The following RARB variants were observed in gnomAD, a reference collection of about 807,000 sequenced individuals.
RARB encodes HBV-activated protein.
A neutral mutation model predicts 51.9 loss-of-function variants in RARB; 17 were observed. That is an observed-to-expected ratio of 0.33 (90% CI 0.22 to 0.49). The LOEUF (loss-of-function observed/expected upper bound fraction) is 0.49, where lower values mean the gene tolerates loss of function less well. Among genes scored for constraint, RARB ranks in the 20% least tolerant of loss-of-function variants. The pLI is 0.99. For missense variants in RARB, 369 were observed against 550.8 expected, an observed-to-expected ratio of 0.67 and a Z score of 3.30; for synonymous variants, 215 against 195.4, an observed-to-expected ratio of 1.10 and a Z score of -0.84.
intron 5 of RARB, among the ~76,000 whole-genome samples, chr3:25,184,846 G>A (rs1700939928): frequency 6.6e-6 from 1 of 151,746 alleles, no homozygotes; most frequent in South Asian, 2.1e-4. Flanking sequence ...GAGCTGTGAT[G>A]ACATCTTGGC....
At chr3:24,832,628 AATATATATATAT>A (rs10526610) in intron 1 of RARB, among the ~76,000 whole-genome samples, 1 of 88,456 alleles carries the variant, frequency 1.1e-5, no homozygotes, top group African/African-American at 4.6e-5. Flanking sequence ...ATTGAGTCCC[AATATATATATAT>A]ATATATATAT....
chr3:24,867,181 T>A (rs1702866342), intron 2 of RARB, among the ~76,000 whole-genome samples: 1 of 152,160 alleles, frequency 6.6e-6, no homozygotes, highest in South Asian at 2.1e-4. Flanking sequence ...AATTTGTGTT[T>A]CTCTCATCCT....
chr3:24,901,710 C>T (rs912859752), intron 2 of RARB, among the ~76,000 whole-genome samples: 1 of 152,142 alleles, frequency 6.6e-6, no homozygotes, highest in Non-Finnish European at 1.5e-5. Context: ...TGTAAGTTAT[C>T]CTTCTTGTGA....
At chr3:24,837,255 A>G (rs988112527) in intron 1 of RARB, among the ~76,000 whole-genome samples, 22 of 152,356 alleles carry the variant, frequency 1.4e-4, no homozygotes, top group Admixed American at 4.6e-4. Flanking sequence ...GGTAGAGATC[A>G]CAGAGGTGAG....
At chr3:25,379,788 T>C (rs776780561) in intron 5 of RARB, among the ~76,000 whole-genome samples, 4 of 152,212 alleles carry the variant, frequency 2.6e-5, no homozygotes, top group Non-Finnish European at 5.9e-5. Flanking sequence ...TCATAGCTAA[T>C]GGCATATCTT....
intron 5 of RARB, among the ~76,000 whole-genome samples, chr3:25,593,165 CTTTTT>C (rs200612408): frequency 2.8e-5 from 4 of 145,034 alleles, no homozygotes; most frequent in Non-Finnish European, 4.6e-5. Flanking sequence ...TCTTATTCAT[CTTTTT>C]TTTTTTTTAT....
chr3:25,029,019 T>C (rs1697812884), intron 2 of RARB, among the ~76,000 whole-genome samples: 1 of 152,106 alleles, frequency 6.6e-6, no homozygotes, highest in Admixed American at 6.5e-5. Context: ...GGGATGGGAG[T>C]ATTCCTTTCC....
intron 5 of RARB, among the ~76,000 whole-genome samples, chr3:25,221,119 G>C (rs1167501419): frequency 3.4e-5 from 5 of 149,178 alleles, no homozygotes; most frequent in South Asian, 2.1e-4. Context: ...TTTCATACAA[G>C]ATACAGATAT....
At chr3:25,004,041 T>A (rs1210472946) in intron 2 of RARB, among the ~76,000 whole-genome samples, 1 of 152,040 alleles carries the variant, frequency 6.6e-6, no homozygotes, top group Non-Finnish European at 1.5e-5. Flanking sequence ...AAGAAAGTAG[T>A]TTTTCTTACC....
chr3:25,174,598 C>A (rs767846841), intron 5 of RARB: 20 of 1,351,430 alleles, frequency 1.5e-5, no homozygotes, highest in Middle Eastern at 2.1e-4. Flanking sequence ...GGAATTTGCT[C>A]TCTTTTCTCT....
intron 3 of RARB, among the ~76,000 whole-genome samples, chr3:25,084,825 A>G (rs1186675254): frequency 6.6e-6 from 1 of 151,808 alleles, no homozygotes; most frequent in African/African-American, 2.4e-5. Context: ...TGTTTAAATT[A>G]GATTTTAAAG....
At chr3:24,885,841 A>G (rs1703256746) in intron 2 of RARB, among the ~76,000 whole-genome samples, 1 of 152,216 alleles carries the variant, frequency 6.6e-6, no homozygotes, top group Non-Finnish European at 1.5e-5. Context: ...AATCTTTTAC[A>G]GTGAAGTTGT....
chr3:24,973,674 G>T (rs562293872), intron 2 of RARB, among the ~76,000 whole-genome samples: 1 of 151,918 alleles, frequency 6.6e-6, no homozygotes, highest in Admixed American at 6.6e-5. Context: ...TCACATCTTT[G>T]GTTAAATTTA....
intron 2 of RARB, among the ~76,000 whole-genome samples, chr3:25,059,849 A>G (rs1253481250): frequency 6.6e-6 from 1 of 151,830 alleles, no homozygotes; most frequent in African/African-American, 2.4e-5. Context: ...TTAGGTTGGT[A>G]AATACGGTAG....
chr3:24,915,429 T>G (rs1452694380), intron 2 of RARB, among the ~76,000 whole-genome samples: 53 of 152,326 alleles, frequency 3.5e-4, no homozygotes, highest in Admixed American at 1.2e-3. Context: ...TTACAGTATA[T>G]CTCAATTCTG....
intron 3 of RARB, among the ~76,000 whole-genome samples, chr3:25,564,190 C>T (rs572886626): frequency 2.0e-5 from 3 of 152,194 alleles, no homozygotes; most frequent in Non-Finnish European, 2.9e-5. Flanking sequence ...ATTCATAGGT[C>T]GAGATCCGTA....
chr3:25,012,448 T>C (rs1297802997), intron 2 of RARB, among the ~76,000 whole-genome samples: 6 of 152,116 alleles, frequency 3.9e-5, no homozygotes, highest in Admixed American at 3.9e-4. Context: ...ATCCAGATCA[T>C]CAGCCAGGTT....
intron 5 of RARB, chr3:25,260,042 G>C (rs903518211): frequency 1.6e-5 from 15 of 958,004 alleles, no homozygotes; most frequent in Non-Finnish European, 1.9e-5. Context: ...TTCCCCCATG[G>C]TGTGAGTTCG....
chr3:25,535,060 G>A (rs1699082421), intron 3 of RARB, among the ~76,000 whole-genome samples: 1 of 152,360 alleles, frequency 6.6e-6, no homozygotes, highest in East Asian at 1.9e-4. Context: ...GGAGGAGAAA[G>A]TAGTCAGGTT....
Sources: allele counts gnomAD v4.1 joint callset (sites outside exome capture counted in the v4.1 genomes callset), GRCh38; gene constraint gnomAD v4.1.1; transcripts MANE v1.5; gene names NCBI Gene and HGNC (gene_info 2026-07-23, HGNC 2026-07-21).